Variants in BMS1 observed in about 807,000 individuals in gnomAD.
The protein encoded by BMS1 is ribosome biogenesis protein BMS1 homolog.
Under a neutral mutation model 138.7 loss-of-function variants are expected in BMS1, and 53 were observed. The ratio of observed to expected loss-of-function variants is 0.38; its 90% confidence interval spans 0.31 to 0.48. The LOEUF (loss-of-function observed/expected upper bound fraction) is 0.48. Among genes scored for constraint, BMS1 ranks in the 20% least tolerant of loss-of-function variants. The pLI, the probability that BMS1 is intolerant of heterozygous loss-of-function variation, is 0.97. For missense variants in BMS1, 1,360 were observed against 1,565.5 expected, an observed-to-expected ratio of 0.87 and a Z score of 2.22; for synonymous variants, 504 against 539.9, an observed-to-expected ratio of 0.93 and a Z score of 0.92.
intron 13 of BMS1, among the ~76,000 whole-genome samples, chr10:42,808,351 T>C (rs1842070997): frequency 6.6e-6 from 1 of 151,582 alleles, no homozygotes; most frequent in Admixed American, 6.6e-5. Context: ...CAGGCTGGAG[T>C]GCAGTGGCGC....
intron 13 of BMS1, among the ~76,000 whole-genome samples, chr10:42,812,105 T>C (rs1006677675): frequency 1.3e-5 from 2 of 152,208 alleles, no homozygotes; most frequent in Non-Finnish European, 2.9e-5. Flanking sequence ...TAGGGTGTTA[T>C]ACGGATGTCA....
chr10:42,808,774 A>G (rs1842085866), intron 13 of BMS1, among the ~76,000 whole-genome samples: 1 of 152,138 alleles, frequency 6.6e-6, no homozygotes, highest in Non-Finnish European at 1.5e-5. Flanking sequence ...TATTTTATTG[A>G]ATTGCTTTTG....
chr10:42,795,504 A>G lies in BMS1; in HGVS notation c.1230-970A>G, dbSNP rs116424869. The stretch of plus-strand genomic sequence containing the variant: ...CTAGCTAATTTTTTTTTTTTTTTCT[A>G]GAGATTAGGTCTCACCATGTTGCCC... On this transcript the variant is annotated intron_variant, in intron 9 of 22. Coordinates refer to ENST00000374518, the MANE Select transcript of BMS1 (RefSeq NM_014753.4). 4.0e-3 allele frequency among the ~76,000 whole-genome samples: 587 copies of G among 146,098 alleles called. 6 individuals are homozygous for G. The highest frequency in any genetic ancestry group is 0.014 in the African/African-American group (542 of 39,510).
In BMS1 at chr10:42,830,919, G is replaced by A. The variant is rs1420886234; in HGVS notation, c.3672G>A (p.Lys1224=). 1.9e-6 allele frequency: 3 copies of A among 1,612,304 alleles called. No individual in the cohort carries two copies. The highest frequency in any genetic ancestry group is 2.5e-6 in the Non-Finnish European group (3 of 1,179,402). ...CGGTGCATAGTCAGAAGATGAAGAA[G>A]GCCAAGGAGCAGCGGCACCTGCACA... ...LSTVHSQKMK[K]AKEQRHLHNK... Residue 1224 remains lysine, a synonymous_variant, in exon 23 of 23, where the codon AAG becomes AAA. Coordinates refer to ENST00000374518, the MANE Select transcript of BMS1 (RefSeq NM_014753.4).
At chr10:42,784,214 G>T (rs1032434386) in intron 1 of BMS1, 148 bp from the exon 2 acceptor site, 36 of 502,006 alleles carry the variant, frequency 7.2e-5, no homozygotes, top group Admixed American at 6.1e-4. Flanking sequence ...TGAAATTGGG[G>T]ATGGTTAAGC....
chr10:42,824,621 T>TTTGGGTC lies in BMS1; in HGVS notation c.3456+848_3456+854dup, dbSNP rs529943062. Among the ~76,000 whole-genome samples, 206 of 152,306 alleles carry TTTGGGTC rather than the reference T, an allele frequency of 1.4e-3. 2 individuals are homozygous for TTTGGGTC. Among genetic ancestry groups the TTTGGGTC allele is most frequent in the African/African-American group, 4.9e-3 (204 of 41,584 alleles). ...AGGAGTTTTATGGTTTCAGGTCTTA[T>TTTGGGTC]TTGGGTCTTGGGTCTTGTATCTATT... is the stretch of plus-strand genomic sequence containing the variant. On this transcript the variant is annotated intron_variant, in intron 21 of 22. Coordinates refer to ENST00000374518, the MANE Select transcript of BMS1 (RefSeq NM_014753.4).
intron 8 of BMS1, among the ~76,000 whole-genome samples, chr10:42,793,647 A>G (rs1005302742): frequency 6.6e-6 from 1 of 152,190 alleles, no homozygotes; most frequent in Non-Finnish European, 1.5e-5. Flanking sequence ...ATCAGGTTAT[A>G]TACTCCCTGA....
chr10:42,789,965 G>A (rs1328725740), intron 4 of BMS1, among the ~76,000 whole-genome samples: 1 of 152,184 alleles, frequency 6.6e-6, no homozygotes, highest in East Asian at 1.9e-4. Flanking sequence ...TTATATCCTA[G>A]TGGACATTGT....
chr10:42,784,195 A>C (rs1841249069), intron 1 of BMS1, among the ~76,000 whole-genome samples, 167 bp from the exon 2 acceptor site: 1 of 152,252 alleles, frequency 6.6e-6, no homozygotes, highest in Non-Finnish European at 1.5e-5. Context: ...ATAGCATAAC[A>C]GAGAGAAATG....
At chr10:42,799,124 T>C (rs1202387703) in intron 12 of BMS1, among the ~76,000 whole-genome samples, 4 of 152,178 alleles carry the variant, frequency 2.6e-5, no homozygotes, top group Admixed American at 2.6e-4. Context: ...CTCTCTCTCT[T>C]TAAGATATGG....
rs1221380331 is a variant in BMS1 at position 42,831,810 on chromosome 10, A to G, written c.*714A>G. ...TGTATCAGTGAGATAGGCTTCCCGTATTATGCTCATGCGTTATACCTGCCT... is the reference window on the plus strand; with the variant it reads ...TGTATCAGTGAGATAGGCTTCCCGTGTTATGCTCATGCGTTATACCTGCCT... On this transcript the variant is annotated 3_prime_UTR_variant, in exon 23 of 23. Transcript: ENST00000374518. 6.6e-6 allele frequency: 1 copy of G among 152,248 alleles called. No homozygotes were observed. Among genetic ancestry groups the G allele is most frequent in the Admixed American group, 6.5e-5 (1 of 15,284 alleles). The allele number at this position is 152,248 out of a possible 1,614,324, so 9.4% of individuals were successfully genotyped here.
chr10:42,815,325 G>A (rs752391981), intron 13 of BMS1, among the ~76,000 whole-genome samples: 1 of 152,186 alleles, frequency 6.6e-6, no homozygotes, highest in Admixed American at 6.5e-5. Context: ...TGTTGGTGGT[G>A]ATGCTATTCC....
At chr10:42,810,037 A>G (rs951769674) in intron 13 of BMS1, among the ~76,000 whole-genome samples, 2 of 148,620 alleles carry the variant, frequency 1.3e-5, no homozygotes, top group African/African-American at 5.0e-5. Context: ...TCTTGGCTTC[A>G]AGGGATCCTC....
intron 13 of BMS1, among the ~76,000 whole-genome samples, chr10:42,806,032 T>C (rs1375711363): frequency 6.6e-6 from 1 of 152,198 alleles, no homozygotes; most frequent in Non-Finnish European, 1.5e-5. Context: ...ACTCCTGACC[T>C]CAAGTGTGTG....
intron 21 of BMS1, among the ~76,000 whole-genome samples, chr10:42,825,287 A>G (rs1842605773): frequency 6.6e-6 from 1 of 152,202 alleles, no homozygotes; most frequent in South Asian, 2.1e-4. Flanking sequence ...AATTACAGGC[A>G]TGAGCCACTG....
chr10:42,806,737 G>GAA lies in BMS1; in HGVS notation c.2329+4540_2329+4541dup, dbSNP rs35466848. Among the ~76,000 whole-genome samples, 374 of 99,324 alleles carry GAA rather than the reference G, an allele frequency of 3.8e-3. 2 individuals carry two copies. The highest frequency in any genetic ancestry group is 0.01 in the African/African-American group (289 of 28,700). The allele number at this position is 99,324 out of a possible 152,430, so 65.2% of individuals were successfully genotyped here. On this transcript the variant is annotated intron_variant, in intron 13 of 22. Transcript: ENST00000374518. ...GCGACAGCACGAGACTCCGTCTCAG[G>GAA]AAAAAAAAAAAAAAAAAAAAAATCA...
At position 42,785,512 on chromosome 10, in the gene BMS1, T is replaced by C; in HGVS notation, c.207T>C (p.His69=). The change falls in exon 3 of 23, where the codon CAT becomes CAC. Residue 69 remains histidine, a synonymous_variant. Coordinates refer to ENST00000374518, the MANE Select transcript of BMS1 (RefSeq NM_014753.4). ...AGGATTTGAAGACAAAAAAGCATCA[T>C]ATTCCAGTGGTTGATCGAACTCCAC... ...RTQDLKTKKH[H]IPVVDRTPLE... The C allele has an allele frequency of 1.2e-6, 2 of 1,612,570 alleles. No homozygotes were observed. Among genetic ancestry groups the C allele is most frequent in the Non-Finnish European group, 1.7e-6 (2 of 1,179,246 alleles).
At position 42,831,232 on chromosome 10, in the gene BMS1, G is replaced by C. The variant is rs1842794201; in HGVS notation, c.*136G>C. 2 of 963,076 alleles carry C rather than the reference G, an allele frequency of 2.1e-6. No individual in the cohort carries two copies. The highest frequency in any genetic ancestry group is 3.0e-6 in the Non-Finnish European group (2 of 656,572). 59.7% of individuals were successfully genotyped at this position (963,076 alleles called of 1,614,324 possible). A position where few individuals can be genotyped will look rare whatever the true frequency, so the allele number is the denominator to read the frequency against. ...CTCTACTCAAACTGTGCCTGCAGGAGGAGGAACAGAGAAGCCTGGGCTGCT... is the reference window on the plus strand; with the variant it reads ...CTCTACTCAAACTGTGCCTGCAGGACGAGGAACAGAGAAGCCTGGGCTGCT... On this transcript the variant is annotated 3_prime_UTR_variant, in exon 23 of 23. Coordinates refer to ENST00000374518, the MANE Select transcript of BMS1 (RefSeq NM_014753.4).
rs1473703463 is a variant in BMS1, at chr10:42,820,661, C to T, written c.2923C>T (p.His975Tyr). 1 of 1,611,986 alleles carries T rather than the reference C, an allele frequency of 6.2e-7. No individual in the cohort carries two copies. The change falls in exon 17 of 23, where the codon CAC becomes TAC. Residue 975 changes from histidine (H) to tyrosine (Y), a missense_variant. Physicochemically the swap from His to Tyr is moderately conservative, Grantham distance 83. This residue lies in a region of BMS1 where 425 missense variants were observed against 568.3 expected (regional missense o/e 0.75). Transcript: ENST00000374518. The stretch of plus-strand genomic sequence containing the variant: ...AAGGCTTCTAAAGTATACCCCACAG[C>T]ACATGCATTGCGGAGCAGCCTTTTG... ...RQRLLKYTPQ[H>Y]MHCGAAFWGP...
Sources: allele counts gnomAD v4.1 joint callset (sites outside exome capture counted in the v4.1 genomes callset), GRCh38; gene constraint gnomAD v4.1.1; regional missense constraint gnomAD v4.1.1; transcripts MANE v1.5; gene names NCBI Gene and HGNC (gene_info 2026-07-23, HGNC 2026-07-21).